EYS: variants seen among roughly 807,000 people sequenced by gnomAD.
The protein encoded by EYS is EGF-like photoreceptor maintenance factor.
Under a neutral mutation model 282.1 loss-of-function variants are expected in EYS, and 250 were observed. The ratio of observed to expected loss-of-function variants is 0.89; its 90% CI spans 0.80 to 0.98. EYS has a LOEUF of 0.98. Ranked by LOEUF, EYS falls within the 50% of genes least tolerant of loss-of-function variation. EYS has a pLI of 0.00. For synonymous variants in EYS, 1,355 were observed against 1,282.9 expected, an observed-to-expected ratio of 1.06 and a Z score of -1.20; for missense variants, 4,016 against 3,709.0, an observed-to-expected ratio of 1.08 and a Z score of -2.15.
intron 19 of EYS, among the ~76,000 whole-genome samples, chr6:64,837,575 A>G (rs927907729): frequency 6.7e-6 from 1 of 149,070 alleles, no homozygotes; most frequent in East Asian, 1.9e-4. Flanking sequence ...ACATATATAT[A>G]TAATGATATG....
chr6:64,313,001 G>T (rs1451484276), intron 29 of EYS, among the ~76,000 whole-genome samples: 2 of 152,194 alleles, frequency 1.3e-5, no homozygotes, highest in Non-Finnish European at 2.9e-5. Flanking sequence ...ACTCCTTGCA[G>T]CAAGGGAACA....
At chr6:65,435,859 T>C (rs940331423) in intron 5 of EYS, among the ~76,000 whole-genome samples, 4 of 152,056 alleles carry the variant, frequency 2.6e-5, no homozygotes, top group Non-Finnish European at 5.9e-5. Context: ...GATTAGGACA[T>C]AGAGGCACAG....
chr6:65,073,784 G>C (rs865989927), intron 12 of EYS, among the ~76,000 whole-genome samples: 3 of 151,966 alleles, frequency 2.0e-5, no homozygotes, highest in Non-Finnish European at 4.4e-5. Context: ...ATTATATAAT[G>C]CTGAATTTGA....
chr6:64,587,568 TA>T (rs2149828931), intron 26 of EYS, among the ~76,000 whole-genome samples: 1 of 152,226 alleles, frequency 6.6e-6, no homozygotes, highest in African/African-American at 2.4e-5. Flanking sequence ...CAACCACTAT[TA>T]AGCAGCTATT....
intron 2 of EYS, among the ~76,000 whole-genome samples, chr6:65,608,160 C>T (rs1321981848): frequency 6.6e-6 from 1 of 151,886 alleles, no homozygotes; most frequent in Non-Finnish European, 1.5e-5. Context: ...TTACAGAAAC[C>T]TAAATGGGAT....
chr6:64,015,105 G>A (rs1768830309), intron 33 of EYS, among the ~76,000 whole-genome samples: 2 of 152,042 alleles, frequency 1.3e-5, no homozygotes, highest in Admixed American at 6.5e-5. Flanking sequence ...TTTAAAGATT[G>A]AGAAAAATTT....
chr6:65,601,131 T>C (rs1765604816), intron 2 of EYS, among the ~76,000 whole-genome samples: 2 of 151,964 alleles, frequency 1.3e-5, no homozygotes, highest in Non-Finnish European at 2.9e-5. Context: ...GTAGCTTACA[T>C]AGGGGCATTT....
intron 22 of EYS, among the ~76,000 whole-genome samples, chr6:64,678,500 C>T (rs1476437730): frequency 6.6e-6 from 1 of 152,098 alleles, no homozygotes; most frequent in East Asian, 1.9e-4. Flanking sequence ...ATCACTTGAA[C>T]CCAGGAGGCG....
chr6:64,495,653 T>C (rs941652977), intron 26 of EYS, among the ~76,000 whole-genome samples: 4 of 151,924 alleles, frequency 2.6e-5, no homozygotes, highest in African/African-American at 4.8e-5. Flanking sequence ...TGGAGTCAAT[T>C]TGAACAAATC....
At chr6:63,857,059 T>G (rs1183981188) in intron 36 of EYS, among the ~76,000 whole-genome samples, 1 of 152,236 alleles carries the variant, frequency 6.6e-6, no homozygotes, top group Non-Finnish European at 1.5e-5. Flanking sequence ...TAACAGAAAG[T>G]TTCTTACTGA....
intron 2 of EYS, among the ~76,000 whole-genome samples, chr6:65,606,707 T>C (rs1582511458): frequency 6.6e-6 from 1 of 151,826 alleles, no homozygotes; most frequent in East Asian, 1.9e-4. Flanking sequence ...AAATGAAAAG[T>C]AAAAGTTAAA....
At chr6:63,905,716 T>A (rs1309798472) in intron 35 of EYS, among the ~76,000 whole-genome samples, 1 of 152,212 alleles carries the variant, frequency 6.6e-6, no homozygotes, top group African/African-American at 2.4e-5. Flanking sequence ...TGTGTTAAAT[T>A]CTCTAACCCA....
At chr6:64,026,930 G>A (rs1769546116) in intron 33 of EYS, among the ~76,000 whole-genome samples, 1 of 152,128 alleles carries the variant, frequency 6.6e-6, no homozygotes, top group Non-Finnish European at 1.5e-5. Flanking sequence ...GATCCTGATA[G>A]GTACATAGAT....
At chr6:65,345,147 AAAG>A (rs1164151525) in intron 9 of EYS, among the ~76,000 whole-genome samples, 1 of 151,758 alleles carries the variant, frequency 6.6e-6, no homozygotes, top group East Asian at 1.9e-4. Context: ...TACTGGAAAA[AAAG>A]AAGGAGCTAG....
intron 30 of EYS, among the ~76,000 whole-genome samples, chr6:64,266,979 A>T (rs967932161): frequency 6.6e-6 from 1 of 152,212 alleles, no homozygotes; most frequent in South Asian, 2.1e-4. Flanking sequence ...ATTCTATTTA[A>T]AAAAGCAAGA....
At chr6:64,944,648 C>G (rs1422001639) in intron 15 of EYS, among the ~76,000 whole-genome samples, 1 of 152,036 alleles carries the variant, frequency 6.6e-6, no homozygotes, top group Non-Finnish European at 1.5e-5. Context: ...CTTAAAGGGT[C>G]TGTGCTGAGG....
At chr6:64,590,061 C>T (rs955769181) in intron 26 of EYS, among the ~76,000 whole-genome samples, 162 bp downstream of exon 26, 2 of 152,124 alleles carry the variant, frequency 1.3e-5, no homozygotes, top group Non-Finnish European at 2.9e-5. Context: ...GAATAACCAT[C>T]TGTGTCAGGT....
At position 63,721,313 on chromosome 6, in the gene EYS, A is replaced by T; in HGVS notation, c.8718T>A (p.Ala2906=). ...ACACAGACTGGTTACATGTATTTCC[A>T]GCCCAATCTGGCAAACATCTGCAAG... The part of the protein sequence containing the change: ...TFSCRCLPDW[A]GNTCNQSVSC... The change falls in exon 43 of 43, where the codon GCT becomes GCA. Residue 2906 remains alanine, a synonymous_variant. Transcript: ENST00000503581. 6.4e-7 allele frequency: 1 copy of T among 1,552,050 alleles called. No homozygotes were observed. Among genetic ancestry groups the T allele is most frequent in the Non-Finnish European group, 8.7e-7 (1 of 1,147,020 alleles).
intron 12 of EYS, among the ~76,000 whole-genome samples, chr6:65,292,588 A>G (rs981564496): frequency 6.6e-6 from 1 of 151,642 alleles, no homozygotes; most frequent in African/African-American, 2.4e-5. Context: ...TATATAAAGT[A>G]CCCCCTTTAG....
Sources: gnomAD v4.1 joint callset for allele counts (sites outside exome capture counted in the v4.1 genomes callset) on GRCh38, gnomAD v4.1.1 for gene constraint, MANE v1.5 for transcripts, NCBI Gene and HGNC (gene_info 2026-07-23, HGNC 2026-07-21) for gene names.